Variants in GEMIN8 observed in about 807,000 individuals in gnomAD.
GEMIN8 encodes the protein gem-associated protein 8.
For synonymous variants in GEMIN8, 80 were observed against 78.5 expected (o/e 1.02, Z -0.10); for missense variants, 185 against 205.9 (o/e 0.90, Z 0.62).
In GEMIN8 at chrX:14,020,389, C is replaced by A. The variant is rs1168164774; in HGVS notation, c.161G>T (p.Trp54Leu). 1.7e-6 allele frequency: 2 copies of A among 1,210,683 alleles called. No individual in the cohort carries two copies. The highest frequency in any genetic ancestry group is 2.2e-6 in the Non-Finnish European group (2 of 894,471). Residue 54 changes from tryptophan (W) to leucine (L), a missense_variant, in exon 4 of 5, where the codon TGG becomes TTG. Coordinates refer to ENST00000680255, the MANE Select transcript of GEMIN8 (RefSeq NM_001042479.2). Reference protein sequence around the residue: ...KAVESCFNLPWYLPSALLPQS... With the variant: ...KAVESCFNLPLYLPSALLPQS... ...GGGAAGAAGCGCAGAAGGTAAGTAC[C>A]ATGGAAGATTGAAACAGGATTCCAC...
chrX:14,009,645 T>A (rs182116491), intron 4 of GEMIN8, among the ~76,000 whole-genome samples: 97 of 111,799 alleles, frequency 8.7e-4, no homozygotes, highest in African/African-American at 2.9e-3. Context: ...AGGAAAGAAA[T>A]GAACCCACCT....
rs147084838 is a variant in GEMIN8 at position 14,007,818 on chromosome X, C to T, written c.*1095G>A. 6.0e-3 allele frequency among the ~76,000 whole-genome samples: 661 copies of T among 110,447 alleles called. 4 individuals carry two copies. Among genetic ancestry groups the T allele is most frequent in the African/African-American group, 0.021 (625 of 30,273 alleles). On this transcript the variant is annotated 3_prime_UTR_variant, in exon 5 of 5. Coordinates refer to ENST00000680255, the MANE Select transcript of GEMIN8 (RefSeq NM_001042479.2). ...CTGGGATTACAGGCATGAGCCACCG[C>T]GCCGGGCCGGAATTATTGTTCTTTG...
chrX:14,014,492 T>G (rs953683117), intron 4 of GEMIN8: 2 of 748,737 alleles, frequency 2.7e-6, no homozygotes, highest in Non-Finnish European at 3.1e-6. Context: ...CTACAGCCAT[T>G]AACACGTATC....
At chrX:14,002,753 C>T (rs1002115566), downstream of GEMIN8, among the ~76,000 whole-genome samples, 6 of 111,641 alleles carry the variant, frequency 5.4e-5, no homozygotes, top group Admixed American at 3.8e-4. Flanking sequence ...CCACTCACCT[C>T]GACCTCCCAA....
At chrX:14,021,946 A>ATG (rs1569367926) in intron 2 of GEMIN8, among the ~76,000 whole-genome samples, 2 of 97,843 alleles carry the variant, frequency 2.0e-5, no homozygotes, top group African/African-American at 7.7e-5. Context: ...ACACATATAT[A>ATG]TGTATATGTA....
intron 4 of GEMIN8, chrX:14,013,899 T>C: frequency 1.5e-6 from 1 of 678,315 alleles, no homozygotes; most frequent in African/African-American, 2.4e-5. Flanking sequence ...AATAGGCATG[T>C]ATTATTAAGG....
At chrX:14,010,102 C>T (rs1923436368) in intron 4 of GEMIN8, among the ~76,000 whole-genome samples, 1 of 112,081 alleles carries the variant, frequency 8.9e-6, no homozygotes, top group East Asian at 2.8e-4. Flanking sequence ...GGTTTTCTCA[C>T]TACGGGATTT....
chrX:14,022,155 C>T (rs186231533), intron 2 of GEMIN8, among the ~76,000 whole-genome samples: 13 of 107,052 alleles, frequency 1.2e-4, no homozygotes, highest in African/African-American at 3.8e-4. Flanking sequence ...TTAACTCATG[C>T]TAATGCTTAC....
downstream of GEMIN8, among the ~76,000 whole-genome samples, chrX:14,003,449 C>T (rs1338430467): frequency 1.8e-5 from 2 of 112,517 alleles, no homozygotes; most frequent in Non-Finnish European, 3.7e-5. Context: ...TCTGAAATTC[C>T]CAAAGGTCTG....
At chrX:13,986,999 C>T in the GEMIN8 span, among the ~76,000 whole-genome samples, 1 of 112,187 alleles carries the variant, frequency 8.9e-6, no homozygotes, top group Non-Finnish European at 1.9e-5. Context: ...CTTTATCTTG[C>T]CTTTATGTCT....
rs751973245 is a variant in GEMIN8, at chrX:14,006,757, G to A, written c.*2156C>T. ...TGTCAACATTTATTGAGTATTTACC[G>A]TGTAGCCAGCACTGTTTTACAGGCA... On this transcript the variant is annotated 3_prime_UTR_variant, in exon 5 of 5. Coordinates refer to ENST00000680255, the MANE Select transcript of GEMIN8 (RefSeq NM_001042479.2). Among the ~76,000 whole-genome samples the A allele has an allele frequency of 1.8e-5, 2 of 111,656 alleles. No individual in the cohort carries two copies. Among genetic ancestry groups the A allele is most frequent in the African/African-American group, 6.5e-5 (2 of 30,731 alleles).
At chrX:13,995,060 C>A in the GEMIN8 span, among the ~76,000 whole-genome samples, 1 of 111,530 alleles carries the variant, frequency 9.0e-6, no homozygotes, top group African/African-American at 3.3e-5. Flanking sequence ...ACTTAAGTGC[C>A]CACTGGACCA....
At chrX:14,025,950 A>T in intron 2 of GEMIN8, 190 bp downstream of exon 2, 1 of 368,111 alleles carries the variant, frequency 2.7e-6, no homozygotes, top group Non-Finnish European at 3.5e-6. Context: ...TATTTTCTTC[A>T]CGCATGGAGA....
chrX:13,987,023 A>G, the GEMIN8 span, among the ~76,000 whole-genome samples: 1 of 111,926 alleles, frequency 8.9e-6, no homozygotes, highest in Non-Finnish European at 1.9e-5. Context: ...GGACTTTTTA[A>G]TGTTAAAATG....
the GEMIN8 span, chrX:13,988,801 C>A: frequency 1.1e-4 from 11 of 98,774 alleles, no homozygotes; most frequent in Admixed American, 1.3e-3. Context: ...AGTATCATTC[C>A]ATGTCAATAC....
the GEMIN8 span, among the ~76,000 whole-genome samples, chrX:13,995,598 T>C: frequency 1.8e-5 from 2 of 111,749 alleles, no homozygotes; most frequent in East Asian, 2.8e-4. Flanking sequence ...CAGGGCTGCA[T>C]GTCTTCTGGA....
At chrX:13,995,353 G>A in the GEMIN8 span, among the ~76,000 whole-genome samples, 1 of 111,861 alleles carries the variant, frequency 8.9e-6, no homozygotes, top group Non-Finnish European at 1.9e-5. Flanking sequence ...TTGACTCCCA[G>A]TGTTGTGCTG....
chrX:14,012,941 T>A (rs1923663197), intron 4 of GEMIN8, among the ~76,000 whole-genome samples: 1 of 111,351 alleles, frequency 9.0e-6, no homozygotes, highest in African/African-American at 3.3e-5. Flanking sequence ...CACAATTTTT[T>A]AAAAAGTCCT....
the GEMIN8 span, among the ~76,000 whole-genome samples, chrX:13,995,003 G>C: frequency 8.9e-6 from 1 of 111,893 alleles, no homozygotes; most frequent in East Asian, 2.8e-4. Flanking sequence ...GCCAGTGGTG[G>C]ATCAGTCAGA....
Sources: gnomAD v4.1 joint callset for allele counts (sites outside exome capture counted in the v4.1 genomes callset) on GRCh38, gnomAD v4.1.1 for gene constraint, MANE v1.5 for transcripts, NCBI Gene and HGNC (gene_info 2026-07-23, HGNC 2026-07-21) for gene names.